Variants in XKR4 observed in about 807,000 individuals in gnomAD.
The protein encoded by XKR4 is XK-related protein 4.
Under a neutral mutation model 53.9 loss-of-function variants are expected in XKR4, and 12 were observed. That is an observed-to-expected ratio of 0.22 (90% CI 0.14 to 0.36). The LOEUF is 0.36. XKR4 is among the 10% of genes least tolerant of loss of function. The pLI is 1.00. For missense variants in XKR4, 799 were observed against 859.5 expected, an observed-to-expected ratio of 0.93 and a Z score of 0.88; for synonymous variants, 354 against 362.4, an observed-to-expected ratio of 0.98 and a Z score of 0.26.
intron 2 of XKR4, among the ~76,000 whole-genome samples, chr8:55,400,838 T>C (rs1003953062): frequency 7.2e-5 from 11 of 152,230 alleles, no homozygotes; most frequent in African/African-American, 2.7e-4. Context: ...CCTGCCTGTC[T>C]GCTGCCCTGT....
chr8:55,313,886 G>A (rs543287338), intron 1 of XKR4, among the ~76,000 whole-genome samples: 1 of 152,170 alleles, frequency 6.6e-6, no homozygotes, highest in Non-Finnish European at 1.5e-5. Flanking sequence ...AAGTTTTTCT[G>A]CAGAGTTATG....
chr8:55,412,527 C>T (rs773455189), intron 2 of XKR4, among the ~76,000 whole-genome samples: 7 of 152,178 alleles, frequency 4.6e-5, no homozygotes, highest in South Asian at 2.1e-4. Context: ...CCCGGCGCTG[C>T]GGTTTGCTTG....
chr8:55,402,571 G>A (rs895368179), intron 2 of XKR4, among the ~76,000 whole-genome samples: 2 of 152,198 alleles, frequency 1.3e-5, no homozygotes, highest in African/African-American at 4.8e-5. Flanking sequence ...CCAGCCATAA[G>A]CCCCATCCAT....
Position 55,457,579 on chromosome 8 carries a change from C to T in XKR4, c.1007-65702C>T, listed in dbSNP as rs537586539. 3.9e-5 allele frequency among the ~76,000 whole-genome samples: 6 copies of T among 152,260 alleles called. 1 individual carries two copies. The East Asian group carries it at 9.6e-4, about 24-fold the overall frequency. Reference sequence around the variant, plus strand: ...ATTACTAGAAGATTTGACCTAGAAGCAGCACTAAAGGAAGAACTTTAGGCT... The same window carrying T: ...ATTACTAGAAGATTTGACCTAGAAGTAGCACTAAAGGAAGAACTTTAGGCT... On this transcript the variant is annotated intron_variant, in intron 2 of 2. Coordinates refer to ENST00000327381, the MANE Select transcript of XKR4 (RefSeq NM_052898.2).
chr8:55,210,189 ATTC>A lies in XKR4; in HGVS notation c.806+106897_806+106899del, dbSNP rs1389646473. 2.0e-5 allele frequency among the ~76,000 whole-genome samples: 3 copies of A among 151,178 alleles called. No individual in the cohort carries two copies. The East Asian group carries it at 5.8e-4, about 29-fold the overall frequency. The stretch of plus-strand genomic sequence containing the variant: ...AACCTCCGCCTACTGGGTTCAAATG[ATTC>A]TCCTGCCTCAGCCTCCTGAGAAGCT... On this transcript the variant is annotated intron_variant, in intron 1 of 2. Coordinates refer to ENST00000327381, the MANE Select transcript of XKR4 (RefSeq NM_052898.2).
chr8:55,212,804 G>A (rs1817747432), intron 1 of XKR4, among the ~76,000 whole-genome samples: 1 of 152,130 alleles, frequency 6.6e-6, no homozygotes, highest in Non-Finnish European at 1.5e-5. Context: ...TCCATTCTGA[G>A]CACCAGCCTT....
At chr8:55,377,476 A>G (rs887164124) in intron 2 of XKR4, among the ~76,000 whole-genome samples, 4 of 152,192 alleles carry the variant, frequency 2.6e-5, no homozygotes, top group Non-Finnish European at 5.9e-5. Context: ...CACAGTATCT[A>G]CCTTACAGCC....
intron 2 of XKR4, chr8:55,452,531 C>T: frequency 1.5e-6 from 1 of 671,894 alleles, no homozygotes; most frequent in Non-Finnish European, 2.7e-6. Context: ...GCAGGTGCAG[C>T]CTCAATAGCT....
intron 2 of XKR4, among the ~76,000 whole-genome samples, chr8:55,466,060 A>G (rs1328515382): frequency 6.6e-6 from 1 of 152,128 alleles, no homozygotes. Flanking sequence ...TAGTTCAACC[A>G]TTGTGGAAGT....
chr8:55,318,255 G>C (rs1302078518), intron 1 of XKR4, among the ~76,000 whole-genome samples: 2 of 152,088 alleles, frequency 1.3e-5, no homozygotes, highest in East Asian at 3.8e-4. Flanking sequence ...TGACAAATAG[G>C]TACTATAAGA....
At chr8:55,295,849 T>G (rs1170533644) in intron 1 of XKR4, among the ~76,000 whole-genome samples, 1 of 152,174 alleles carries the variant, frequency 6.6e-6, no homozygotes, top group Non-Finnish European at 1.5e-5. Context: ...TGTATTCACT[T>G]TATGTTTGAG....
chr8:55,373,339 G>A (rs1420623290), intron 2 of XKR4, among the ~76,000 whole-genome samples: 2 of 152,104 alleles, frequency 1.3e-5, no homozygotes. Context: ...GCTAATGTTT[G>A]TATTTTTAGT....
At chr8:55,471,187 T>A (rs1035962658) in intron 2 of XKR4, among the ~76,000 whole-genome samples, 1 of 152,098 alleles carries the variant, frequency 6.6e-6, no homozygotes, top group African/African-American at 2.4e-5. Context: ...GGACAGTACA[T>A]GTGAACAGTT....
intron 2 of XKR4, among the ~76,000 whole-genome samples, chr8:55,464,557 T>C (rs1372356283): frequency 6.6e-6 from 1 of 151,994 alleles, no homozygotes; most frequent in African/African-American, 2.4e-5. Context: ...TTGAAACTTG[T>C]GCCTTTGAAA....
chr8:55,374,034 C>T (rs1804112886), intron 2 of XKR4, among the ~76,000 whole-genome samples: 1 of 152,136 alleles, frequency 6.6e-6, no homozygotes, highest in Admixed American at 6.5e-5. Flanking sequence ...ACAGCCAAAC[C>T]AGGAACAGGA....
intron 1 of XKR4, among the ~76,000 whole-genome samples, chr8:55,247,850 T>C (rs1255938162): frequency 3.8e-5 from 2 of 52,552 alleles, no homozygotes; most frequent in Non-Finnish European, 7.6e-5. Context: ...TTTCTTTCTT[T>C]CTTTCTTTTT....
intron 1 of XKR4, among the ~76,000 whole-genome samples, chr8:55,151,345 GGAAT>G (rs1816837385): frequency 6.6e-6 from 1 of 152,148 alleles, no homozygotes; most frequent in Non-Finnish European, 1.5e-5. Context: ...AAAAACAGCA[GGAAT>G]ACAAGGTGAA....
At chr8:55,443,299 A>G (rs189539941) in intron 2 of XKR4, among the ~76,000 whole-genome samples, 10 of 152,066 alleles carry the variant, frequency 6.6e-5, no homozygotes, top group African/African-American at 2.4e-4. Flanking sequence ...ACTTTTGAAT[A>G]TATATTACTA....
chr8:55,393,920 C>T (rs536255416), intron 2 of XKR4, among the ~76,000 whole-genome samples: 19 of 152,314 alleles, frequency 1.2e-4, no homozygotes, highest in African/African-American at 4.6e-4. Flanking sequence ...GAGTAATTCC[C>T]TTCTGCCCAA....
Sources: gnomAD v4.1 joint callset for allele counts (sites outside exome capture counted in the v4.1 genomes callset) on GRCh38, gnomAD v4.1.1 for gene constraint, MANE v1.5 for transcripts, NCBI Gene and HGNC (gene_info 2026-07-23, HGNC 2026-07-21) for gene names.